The following PPM1B variants were observed in gnomAD, a reference collection of about 807,000 sequenced individuals.
The protein encoded by PPM1B is protein phosphatase, Mg2+/Mn2+ dependent 1B.
Under a neutral mutation model 43.0 loss-of-function variants are expected in PPM1B, and 22 were observed. The observed-to-expected ratio is 0.51, with a 90% CI of 0.37 to 0.73. The LOEUF (loss-of-function observed/expected upper bound fraction) is 0.73. Ranked by LOEUF, PPM1B falls within the 30% of genes least tolerant of loss-of-function variation. The probability of loss-of-function intolerance (pLI) is 0.00; values close to 1 mark genes in which losing one functional copy is unlikely to be tolerated. For missense variants in PPM1B, 632 were observed against 584.2 expected, an observed-to-expected ratio of 1.08 and a Z score of -0.84; for synonymous variants, 217 against 197.9, an observed-to-expected ratio of 1.10 and a Z score of -0.81.
chr2:44,218,795 C>A, intron 5 of PPM1B: 1 of 447,544 alleles, frequency 2.2e-6, no homozygotes, highest in Non-Finnish European at 4.2e-6. Context: ...GTCTTTATTT[C>A]TTCTCTATAT....
At chr2:44,213,634 A>G (rs1411657078) in intron 3 of PPM1B, 1 of 152,078 alleles carries the variant, frequency 6.6e-6, no homozygotes, top group Non-Finnish European at 1.5e-5. Flanking sequence ...ACCCTAAACA[A>G]TGTGCTTAAA....
intron 5 of PPM1B, 104 bp from the exon 6 acceptor site, chr2:44,230,309 T>C: frequency 6.6e-7 from 1 of 1,522,696 alleles, no homozygotes; most frequent in Admixed American, 2.2e-5. Context: ...TTAGACTATA[T>C]TACTTTTCGG....
chr2:44,244,495 C>A, downstream of PPM1B: 2 of 772,796 alleles, frequency 2.6e-6, no homozygotes, highest in South Asian at 7.5e-5. Context: ...TGATAAACAC[C>A]TGTGGCTTCT....
In PPM1B at chr2:44,201,425, T is replaced by G. The variant is rs754629238; in HGVS notation, c.226T>G (p.Leu76Val). ...GGCAAATTACTGCTCAACACATTTA[T>G]TAGAACACATCACTACTAACGAAGA... ...RVANYCSTHL[L>V]EHITTNEDFR... The change falls in exon 2 of 6, where the codon TTA (leucine) becomes GTA (valine). Residue 76 changes from leucine to valine, a missense_variant. Physicochemically the swap from Leu to Val is conservative, Grantham distance 32. Around this residue, in one of 3 missense-constraint regions of PPM1B, gnomAD observed 200 missense variants for 200.7 expected, o/e 1.00. Coordinates refer to ENST00000282412, the MANE Select transcript of PPM1B (RefSeq NM_002706.6). The surrounding 1 kb of genome is among the most constrained non-coding windows in gnomAD (Gnocchi z 5.4). 1.1e-5 allele frequency: 17 copies of G among 1,614,158 alleles called. No homozygotes were observed. Among genetic ancestry groups the G allele is most frequent in the Non-Finnish European group, 1.4e-5 (17 of 1,180,010 alleles).
chr2:44,199,169 A>C (rs1019620480), intron 1 of PPM1B, among the ~76,000 whole-genome samples: 9 of 151,134 alleles, frequency 6.0e-5, no homozygotes, highest in African/African-American at 2.2e-4. Context: ...GAGGCAGGAG[A>C]GTGGTGTGAA....
intron 1 of PPM1B, among the ~76,000 whole-genome samples, chr2:44,200,924 G>A (rs140929463): frequency 6.6e-6 from 1 of 152,262 alleles, no homozygotes; most frequent in African/African-American, 2.4e-5. Flanking sequence ...TCACCAGAGA[G>A]GCTTTTAAAA....
At chr2:44,235,006 C>G (rs576482782), downstream of PPM1B, among the ~76,000 whole-genome samples, 1 of 152,248 alleles carries the variant, frequency 6.6e-6, no homozygotes, top group East Asian at 1.9e-4. Flanking sequence ...ATGAAGAAAC[C>G]TGGCCTCACA....
At chr2:44,232,061 A>G (rs1028880907), downstream of PPM1B, among the ~76,000 whole-genome samples, 2 of 152,330 alleles carry the variant, frequency 1.3e-5, no homozygotes, top group African/African-American at 4.8e-5. Flanking sequence ...CAATGCCAGA[A>G]TATTTTTAAG....
chr2:44,175,098 CA>C (rs1667518752), intron 1 of PPM1B, among the ~76,000 whole-genome samples: 2 of 152,214 alleles, frequency 1.3e-5, no homozygotes, highest in South Asian at 4.1e-4. Context: ...TACTAAAATA[CA>C]GAAAATTAGC....
intron 3 of PPM1B, 119 bp downstream of exon 3, chr2:44,209,446 T>A: frequency 4.6e-6 from 5 of 1,079,310 alleles, no homozygotes; most frequent in South Asian, 1.7e-5. Context: ...AAAAAAAAAT[T>A]TAGAGAGGGA....
At chr2:44,178,009 C>T (rs1297897723) in intron 1 of PPM1B, among the ~76,000 whole-genome samples, 1 of 151,436 alleles carries the variant, frequency 6.6e-6, no homozygotes, top group Non-Finnish European at 1.5e-5. Flanking sequence ...CCTTGCCCTC[C>T]CAGGCTCCAG....
At chr2:44,206,917 C>T (rs1669218958) in intron 2 of PPM1B, among the ~76,000 whole-genome samples, 1 of 152,082 alleles carries the variant, frequency 6.6e-6, no homozygotes, top group South Asian at 2.1e-4. Context: ...AAAATTTTTG[C>T]TTGAACTGCC....
chr2:44,234,833 A>C (rs1572764922), downstream of PPM1B, among the ~76,000 whole-genome samples: 1 of 152,358 alleles, frequency 6.6e-6, no homozygotes, highest in East Asian at 1.9e-4. Context: ...TAATATATAA[A>C]CCATTTTATG....
chr2:44,171,459 G>A (rs1049263882), intron 1 of PPM1B, among the ~76,000 whole-genome samples: 2 of 152,120 alleles, frequency 1.3e-5, no homozygotes, highest in African/African-American at 4.8e-5. Context: ...AAAATATGAT[G>A]CTGATTATGT....
chr2:44,231,240 C>A lies in PPM1B; in HGVS notation c.*522C>A. On this transcript the variant is annotated 3_prime_UTR_variant, in exon 6 of 6. Coordinates refer to ENST00000282412, the MANE Select transcript of PPM1B (RefSeq NM_002706.6). ...TGTTTGATTTGTTTATATTTTACAT[C>A]TCTGTAGTTTTATTTTTAGAAGTTG... 2 of 979,586 alleles carry A rather than the reference C, an allele frequency of 2.0e-6. No homozygotes were observed. Among genetic ancestry groups the A allele is most frequent in the East Asian group, 1.1e-4 (1 of 8,802 alleles). The allele number at this position is 979,586 out of a possible 1,614,324, so 60.7% of individuals were successfully genotyped here.
At chr2:44,200,771 A>ATTGTCC (rs1558407497) in intron 1 of PPM1B, among the ~76,000 whole-genome samples, 1 of 152,164 alleles carries the variant, frequency 6.6e-6, no homozygotes, top group African/African-American at 2.4e-5. Context: ...GAATATTCTC[A>ATTGTCC]TTGTCCAGTC....
downstream of PPM1B, among the ~76,000 whole-genome samples, chr2:44,236,258 C>T (rs943409480): frequency 5.9e-5 from 9 of 151,664 alleles, no homozygotes; most frequent in African/African-American, 2.2e-4. Context: ...AAAAAATTAA[C>T]TTGGTGTGGT....
downstream of PPM1B, chr2:44,233,293 T>G: frequency 1.1e-6 from 1 of 926,314 alleles, no homozygotes; most frequent in Non-Finnish European, 1.3e-6. Flanking sequence ...CTATTTTAGA[T>G]CTAAGGAAAT....
At chr2:44,203,279 T>A (rs1669022490) in intron 2 of PPM1B, among the ~76,000 whole-genome samples, 1 of 152,200 alleles carries the variant, frequency 6.6e-6, no homozygotes, top group Admixed American at 6.5e-5. Context: ...TAACACACTG[T>A]ATCTTTTTAC....
Sources: allele counts gnomAD v4.1 joint callset (sites outside exome capture counted in the v4.1 genomes callset), GRCh38; gene constraint gnomAD v4.1.1; regional missense constraint gnomAD v4.1.1; non-coding constraint Gnocchi (gnomAD v3.1); transcripts MANE v1.5; gene names NCBI Gene and HGNC (gene_info 2026-07-23, HGNC 2026-07-21).